The following WIZ variants were observed in gnomAD, a reference collection of about 807,000 sequenced individuals.
The protein encoded by WIZ is WIZ zinc finger.
Under a neutral mutation model 140.2 loss-of-function variants are expected in WIZ, and 25 were observed. That is an observed-to-expected ratio of 0.18 (90% CI 0.13 to 0.25). The LOEUF (loss-of-function observed/expected upper bound fraction) is 0.25. Ranked by LOEUF, WIZ falls within the 10% of genes least tolerant of loss-of-function variation. WIZ has a pLI of 1.00. For synonymous variants in WIZ, 1,125 were observed against 1,154.3 expected (o/e 0.97, Z 0.51); for missense variants, 2,231 against 2,632.6 (o/e 0.85, Z 3.34).
chr19:15,427,266 A>G lies in WIZ; in HGVS notation c.4082T>C (p.Leu1361Pro). The G allele has an allele frequency of 1.2e-6, 2 of 1,613,774 alleles. No individual in the cohort carries two copies. The highest frequency in any genetic ancestry group is 1.7e-6 in the Non-Finnish European group (2 of 1,180,012). The stretch of plus-strand genomic sequence containing the variant: ...AAGGTCCGAGGGGCTGCGGGCTTCC[A>G]GTGAGCTGCCAGGACCTGCGCCGCC... ...MMGGAGPGSS[L>P]EARSPSDLHI... Residue 1361 changes from leucine (L) to proline (P), a missense_variant, in exon 9 of 13, where the codon CTG becomes CCG. Leu to Pro is a moderately conservative substitution (Grantham distance 98). This residue lies in a region of WIZ where 393 missense variants were observed against 451.7 expected (regional missense o/e 0.87). Coordinates refer to ENST00000673675, the MANE Select transcript of WIZ (RefSeq NM_001371589.1). This position sits in a 1 kb window ranked among gnomAD's most constrained non-coding sequence, Gnocchi z 6.4.
intron 2 of WIZ, among the ~76,000 whole-genome samples, chr19:15,443,559 G>T (rs1969817407): frequency 6.6e-6 from 1 of 152,122 alleles, no homozygotes; most frequent in African/African-American, 2.4e-5. Context: ...TATGCCTTCT[G>T]CCCAGGGCAC....
chr19:15,440,997 G>A lies in WIZ; in HGVS notation c.279-282C>T, dbSNP rs180740341. 8.0e-4 allele frequency among the ~76,000 whole-genome samples: 122 copies of A among 152,174 alleles called. 1 individual carries two copies. The highest frequency in any genetic ancestry group is 2.8e-3 in the African/African-American group (118 of 41,528). Reference sequence around the variant, plus strand: ...TACGGAGACCACCCCTGGGCCACACGGGGATGTGGCCACCTCTAAGAAGTC... The same window carrying A: ...TACGGAGACCACCCCTGGGCCACACAGGGATGTGGCCACCTCTAAGAAGTC... On this transcript the variant is annotated intron_variant, in intron 3 of 12. Coordinates refer to ENST00000673675, the MANE Select transcript of WIZ (RefSeq NM_001371589.1). This position sits in a 1 kb window ranked among gnomAD's most constrained non-coding sequence, Gnocchi z 6.2.
rs1047994086 is a variant in WIZ at position 15,438,935 on chromosome 19, C to T, written c.2059G>A (p.Val687Met). The T allele has an allele frequency of 1.2e-5, 18 of 1,445,926 alleles. No homozygotes were observed. The highest frequency in any genetic ancestry group is 2.7e-5 in the Admixed American group (1 of 37,388). 89.6% of individuals were successfully genotyped at this position (1,445,926 alleles called of 1,614,324 possible). A position where few individuals can be genotyped will look rare whatever the true frequency, so the allele number is the denominator to read the frequency against. The change falls in exon 4 of 13, where the codon GTG becomes ATG. Residue 687 changes from valine to methionine, a missense_variant. Physicochemically the swap from Val to Met is conservative, Grantham distance 21 (BLOSUM62 1). This residue lies in a region of WIZ where 475 missense variants were observed against 520.2 expected (regional missense o/e 0.91). Transcript: ENST00000673675. ...ATGACCTGCGGCCCCAGCTTCGCCA[C>T]GAGCACAATGGGTACCATCCCTCGG... Reference protein sequence around the residue: ...QLRGMVPIVLVAKLGPQVMAA... With the variant: ...QLRGMVPIVLMAKLGPQVMAA...
intron 9 of WIZ, 32 bp from the exon 10 acceptor site, chr19:15,425,800 A>T (rs770442406): frequency 1.1e-6 from 1 of 870,628 alleles, no homozygotes; most frequent in Non-Finnish European, 1.4e-6. Flanking sequence ...GGGAAGGAGG[A>T]GGAGGAGGAG....
At chr19:15,446,460 G>C (rs549340022) in intron 2 of WIZ, among the ~76,000 whole-genome samples, 3 of 152,268 alleles carry the variant, frequency 2.0e-5, no homozygotes, top group Admixed American at 6.5e-5. Flanking sequence ...GTTATTAATG[G>C]CTTAGAGGAG....
rs1434700564 is a variant in WIZ at position 15,438,532 on chromosome 19, G to T, written c.2416+46C>A. 4 of 1,450,308 alleles carry T rather than the reference G, an allele frequency of 2.8e-6. No individual in the cohort carries two copies. In the African/African-American group the frequency reaches 5.7e-5, roughly 21 times the overall value. 89.8% of individuals were successfully genotyped at this position (1,450,308 alleles called of 1,614,324 possible). A position where few individuals can be genotyped will look rare whatever the true frequency, so the allele number is the denominator to read the frequency against. On this transcript the variant is annotated intron_variant, in intron 4 of 12. Transcript: ENST00000673675. ...AGAGAATTTAGATCAACGGTGGGTT[G>T]CCCAGCCATGTGTCTCCTGGGCCTT...
Position 15,424,012 on chromosome 19 carries a change from T to C in WIZ, c.5510+171A>G, listed in dbSNP as rs563053331. 1 of 560,220 alleles carries C rather than the reference T, an allele frequency of 1.8e-6. No individual in the cohort carries two copies. The highest frequency in any genetic ancestry group is 3.5e-5 in the South Asian group (1 of 28,976). 34.7% of individuals were successfully genotyped at this position (560,220 alleles called of 1,614,324 possible). On this transcript the variant is annotated intron_variant, in intron 12 of 12. Coordinates refer to ENST00000673675, the MANE Select transcript of WIZ (RefSeq NM_001371589.1). This position sits in a 1 kb window ranked among gnomAD's most constrained non-coding sequence, Gnocchi z 9.7. The stretch of plus-strand genomic sequence containing the variant: ...CAGAGTTGGGATTTGAACCCAGGTC[T>C]CGCAGGCTACAAAGCTCAGGGTGTC...
Position 15,442,008 on chromosome 19 carries a change from G to A in WIZ, c.278+668C>T, listed in dbSNP as rs1241292400. Reference sequence around the variant, plus strand: ...TCTCGACCAGCCTGACCAATATGGTGAAACCCCATCTCTACTAAAAATACA... The same window carrying A: ...TCTCGACCAGCCTGACCAATATGGTAAAACCCCATCTCTACTAAAAATACA... On this transcript the variant is annotated intron_variant, in intron 3 of 12. Coordinates refer to ENST00000673675, the MANE Select transcript of WIZ (RefSeq NM_001371589.1). This position sits in a 1 kb window ranked among gnomAD's most constrained non-coding sequence, Gnocchi z 5.5. Among the ~76,000 whole-genome samples, 1 of 151,998 alleles carries A rather than the reference G, an allele frequency of 6.6e-6. No individual in the cohort carries two copies. Among genetic ancestry groups the A allele is most frequent in the Non-Finnish European group, 1.5e-5 (1 of 68,002 alleles).
At chr19:15,426,117 G>A (rs556587964) in intron 9 of WIZ, among the ~76,000 whole-genome samples, 52 of 151,812 alleles carry the variant, frequency 3.4e-4, no homozygotes, top group African/African-American at 1.2e-3. Flanking sequence ...ATACCTCCCT[G>A]TATGATCCTG....
intron 2 of WIZ, among the ~76,000 whole-genome samples, chr19:15,443,368 G>A (rs990634603): frequency 3.3e-5 from 5 of 152,150 alleles, no homozygotes; most frequent in East Asian, 1.9e-4. Context: ...CACTGTGCCC[G>A]GCCTAAAAAC....
In WIZ at chr19:15,425,762, C is replaced by G. The variant is rs1329602365; in HGVS notation, c.4373G>C (p.Arg1458Pro). The change falls in exon 10 of 13, where the codon CGG becomes CCG. Residue 1458 changes from arginine (R) to proline (P), a missense_variant. Coordinates refer to ENST00000673675, the MANE Select transcript of WIZ (RefSeq NM_001371589.1). ...EDMTPLNLSSRAEPVRDIRCE... is the reference protein window; with the variant it reads ...EDMTPLNLSSPAEPVRDIRCE... ...GCGGATGTCGCGCACCGGCTCTGCC[C>G]GGGACGCTGCAGGGGATCCAGGGTA... 6.5e-7 allele frequency: 1 copy of G among 1,533,850 alleles called. No individual in the cohort carries two copies. The highest frequency in any genetic ancestry group is 1.4e-5 in the African/African-American group (1 of 72,048).
In WIZ at chr19:15,427,201, C is replaced by T. The variant is rs765667123; in HGVS notation, c.4147G>A (p.Gly1383Ser). ...PLAKKLPPPPGSPLGHSPTAS... is the reference protein window; with the variant it reads ...PLAKKLPPPPSSPLGHSPTAS... ...GTTGGTGAGTGGCCCAGGGGGCTGC[C>T]CGGTGGTGGTGGCAACTTCTTGGCC... Residue 1383 changes from glycine (G) to serine (S), a missense_variant, in exon 9 of 13, where the codon GGC (glycine) becomes AGC (serine). Coordinates refer to ENST00000673675, the MANE Select transcript of WIZ (RefSeq NM_001371589.1). This position sits in a 1 kb window ranked among gnomAD's most constrained non-coding sequence, Gnocchi z 6.4. The T allele has an allele frequency of 3.7e-5, 60 of 1,613,930 alleles. No homozygotes were observed. Among genetic ancestry groups the T allele is most frequent in the Non-Finnish European group, 4.9e-5 (58 of 1,180,024 alleles).
chr19:15,439,198 C>G lies in WIZ; in HGVS notation c.1796G>C (p.Ser599Thr). 3.9e-6 allele frequency: 6 copies of G among 1,535,664 alleles called. No homozygotes were observed. Among genetic ancestry groups the G allele is most frequent in the Non-Finnish European group, 4.4e-6 (5 of 1,146,684 alleles). The change falls in exon 4 of 13, where the codon AGC (serine) becomes ACC (threonine). Residue 599 changes from serine (S) to threonine (T), a missense_variant. Coordinates refer to ENST00000673675, the MANE Select transcript of WIZ (RefSeq NM_001371589.1). This position sits in a 1 kb window ranked among gnomAD's most constrained non-coding sequence, Gnocchi z 7.0. ...CCCCAGCCCTTGTGGGTGGACGGTG[C>G]TTTTGTTTCTCCCGAGCTGTAAGGA... ...PYSLQLGRNK[S>T]TVHPQGLGER...
chr19:15,428,525 CAG>C lies in WIZ; in HGVS notation c.3416-19_3416-18del, dbSNP rs1568296528. On this transcript the variant is annotated intron_variant, in intron 7 of 12. Coordinates refer to ENST00000673675, the MANE Select transcript of WIZ (RefSeq NM_001371589.1). The surrounding 1 kb of genome is among the most constrained non-coding windows in gnomAD (Gnocchi z 6.4). ...TATCTAAAGCTGCGGAGACAAAACA[CAG>C]GGGGGGTTCACGGCCGCCACCTTGG... The C allele has an allele frequency of 2.9e-5, 44 of 1,535,244 alleles. No homozygotes were observed. Among genetic ancestry groups the C allele is most frequent in the Middle Eastern group, 1.7e-4 (1 of 6,010 alleles).
chr19:15,448,512 C>T (rs1469539115), intron 1 of WIZ, 145 bp from the exon 2 acceptor site: 3 of 642,606 alleles, frequency 4.7e-6, no homozygotes, highest in Non-Finnish European at 8.0e-6. Flanking sequence ...GGTGTTCAGA[C>T]CTTTTCCACA....
chr19:15,444,383 A>T (rs548226640), intron 2 of WIZ, among the ~76,000 whole-genome samples: 1 of 152,122 alleles, frequency 6.6e-6, no homozygotes. Context: ...AATTTGCATC[A>T]TCTACAGCGC....
rs769663111 is a variant in WIZ, at chr19:15,427,011, G to C, written c.4337C>G (p.Pro1446Arg). 1 of 1,613,862 alleles carries C rather than the reference G, an allele frequency of 6.2e-7. No individual in the cohort carries two copies. The highest frequency in any genetic ancestry group is 8.5e-7 in the Non-Finnish European group (1 of 1,179,864). Residue 1446 changes from proline (P) to arginine (R), a missense_variant, in exon 9 of 13, where the codon CCA becomes CGA. By Grantham distance (103) the Pro-to-Arg change is moderately radical. Coordinates refer to ENST00000673675, the MANE Select transcript of WIZ (RefSeq NM_001371589.1). The surrounding 1 kb of genome is among the most constrained non-coding windows in gnomAD (Gnocchi z 6.4). ...LHPSEGPWGA[P>R]REDMTPLNLS... ...GTTCAGGGGTGTCATGTCTTCCCGT[G>C]GTGCCCCCCAGGGACCCTCAGATGG...
At position 15,440,786 on chromosome 19, in the gene WIZ, G is replaced by T. The variant is rs1163020136; in HGVS notation, c.279-71C>A. On this transcript the variant is annotated intron_variant, in intron 3 of 12. Coordinates refer to ENST00000673675, the MANE Select transcript of WIZ (RefSeq NM_001371589.1). This position sits in a 1 kb window ranked among gnomAD's most constrained non-coding sequence, Gnocchi z 6.2. ...TTTCCTTCCTAGGGTGGTGATGGGGGTCCTCCCAGGCCGTTTGAAGCAGGC... is the reference window on the plus strand; with the variant it reads ...TTTCCTTCCTAGGGTGGTGATGGGGTTCCTCCCAGGCCGTTTGAAGCAGGC... 4 of 1,409,646 alleles carry T rather than the reference G, an allele frequency of 2.8e-6. No homozygotes were observed. Among genetic ancestry groups the T allele is most frequent in the East Asian group, 2.5e-5 (1 of 39,852 alleles). The allele number at this position is 1,409,646 out of a possible 1,614,324, so 87.3% of individuals were successfully genotyped here.
At position 15,430,211 on chromosome 19, in the gene WIZ, G is replaced by GC. The variant is rs1969143426; in HGVS notation, c.2912-123dup. Reference sequence around the variant, plus strand: ...CATGGAAGTGTTTTGCCTCCGTCAGGCCCCCCAAACCTCACAATGACCCTA... The same window carrying GC: ...CATGGAAGTGTTTTGCCTCCGTCAGGCCCCCCCAAACCTCACAATGACCCTA... On this transcript the variant is annotated intron_variant, in intron 6 of 12. Transcript: ENST00000673675. 1.7e-5 allele frequency: 23 copies of GC among 1,369,396 alleles called. 1 individual carries two copies. In the South Asian group the frequency reaches 2.8e-4, roughly 16 times the overall value. 84.8% of individuals were successfully genotyped at this position (1,369,396 alleles called of 1,614,324 possible).
Sources: gnomAD v4.1 joint callset for allele counts (sites outside exome capture counted in the v4.1 genomes callset) on GRCh38, gnomAD v4.1.1 for gene constraint, gnomAD v4.1.1 regional missense constraint, Gnocchi (gnomAD v3.1) non-coding constraint, MANE v1.5 for transcripts, NCBI Gene and HGNC (gene_info 2026-07-23, HGNC 2026-07-21) for gene names.